SMC2: variants seen among roughly 807,000 people sequenced by gnomAD.
The protein encoded by SMC2 is structural maintenance of chromosomes protein 2.
SMC2 carries 41 observed loss-of-function variants against 142.6 expected under a neutral mutation model. The observed-to-expected ratio is 0.29, with a 90% CI of 0.22 to 0.37. The LOEUF (loss-of-function observed/expected upper bound fraction) is 0.37. SMC2 is among the 10% of genes least tolerant of loss of function. The pLI is 1.00. For missense variants in SMC2, 1,265 were observed against 1,373.7 expected (o/e 0.92, Z 1.25); for synonymous variants, 463 against 457.5 (o/e 1.01, Z -0.15).
intron 5 of SMC2, 32 bp downstream of exon 5, chr9:104,099,714 G>A (rs1276965122): frequency 7.7e-7 from 1 of 1,299,016 alleles, no homozygotes; most frequent in Non-Finnish European, 1.1e-6. Flanking sequence ...ATTAAAAATA[G>A]TTGGTATAGA....
intron 9 of SMC2, among the ~76,000 whole-genome samples, chr9:104,104,372 T>C (rs1831513924): frequency 1.3e-5 from 2 of 152,176 alleles, no homozygotes; most frequent in South Asian, 4.1e-4. Flanking sequence ...TGCAAGCTGA[T>C]CTCCCAAGGC....
intron 8 of SMC2, 98 bp from the exon 9 acceptor site, chr9:104,102,326 T>C: frequency 8.3e-7 from 1 of 1,209,724 alleles, no homozygotes; most frequent in Non-Finnish European, 1.2e-6. Flanking sequence ...GATAATGAAA[T>C]AACTTATAAA....
At chr9:104,126,371 T>TTGTTTTCCC (rs1834281092) in intron 18 of SMC2, among the ~76,000 whole-genome samples, 3 of 152,360 alleles carry the variant, frequency 2.0e-5, no homozygotes, top group African/African-American at 7.2e-5. Flanking sequence ...GAATGTTATA[T>TTGTTTTCCC]TATTTTCCCT....
chr9:104,126,953 G>C (rs1834366301), intron 19 of SMC2, among the ~76,000 whole-genome samples, 169 bp downstream of exon 19: 1 of 152,164 alleles, frequency 6.6e-6, no homozygotes, highest in Admixed American at 6.5e-5. Flanking sequence ...GGATCACATA[G>C]GTCAGTCAGC....
Position 104,125,017 on chromosome 9 carries a change from A to G in SMC2, c.2363A>G (p.Glu788Gly). The G allele has an allele frequency of 1.9e-6, 3 of 1,608,214 alleles. No homozygotes were observed. The highest frequency in any genetic ancestry group is 1.7e-6 in the Non-Finnish European group (2 of 1,178,718). Residue 788 changes from glutamate to glycine, a missense_variant, in exon 18 of 25, where the codon GAG (glutamate) becomes GGG (glycine). By Grantham distance (98) the Glu-to-Gly change is moderately conservative. This residue lies in a region of SMC2 where 898 missense variants were observed against 904.2 expected (regional missense o/e 0.99). Transcript: ENST00000374793. ...NKMKNAEAER[E>G]RELKDAQKKL... is the part of the protein sequence containing the mutation. ...ATGAAAAATGCAGAAGCTGAAAGAG[A>G]GCGAGAACTGAAAGATGCTCAGAAA...
At chr9:104,119,135 G>A (rs370278264) in intron 15 of SMC2, among the ~76,000 whole-genome samples, 4 of 152,178 alleles carry the variant, frequency 2.6e-5, no homozygotes, top group East Asian at 3.9e-4. Flanking sequence ...AACATTAGCC[G>A]GTTCAGTGAA....
At chr9:104,097,508 G>GAAAAAAAA (rs59646608) in intron 3 of SMC2, among the ~76,000 whole-genome samples, 1 of 121,874 alleles carries the variant, frequency 8.2e-6, no homozygotes, top group African/African-American at 3.0e-5. Context: ...GCCTCTGGTT[G>GAAAAAAAA]AAAAAAAAAA....
chr9:104,129,947 A>G, intron 21 of SMC2, 102 bp downstream of exon 21: 1 of 823,868 alleles, frequency 1.2e-6, no homozygotes, highest in Non-Finnish European at 1.9e-6. Context: ...CCTTTTGCAG[A>G]TGTCCTTGAT....
At chr9:104,136,519 A>T (rs934087139) in intron 23 of SMC2, among the ~76,000 whole-genome samples, 59 of 152,154 alleles carry the variant, frequency 3.9e-4, no homozygotes, top group African/African-American at 1.4e-3. Context: ...TTATTTCCAT[A>T]ATTAAGATGC....
At chr9:104,127,208 T>C in intron 19 of SMC2, 78 bp from the exon 20 acceptor site, 1 of 1,131,488 alleles carries the variant, frequency 8.8e-7, no homozygotes, top group South Asian at 1.9e-5. Context: ...CCCAGGGATC[T>C]GTCAGATAAT....
intron 17 of SMC2, among the ~76,000 whole-genome samples, chr9:104,124,074 C>T (rs1834012257): frequency 6.6e-6 from 1 of 152,096 alleles, no homozygotes; most frequent in South Asian, 2.1e-4. Flanking sequence ...TACAGCAACA[C>T]GTGTTCATTC....
Position 104,127,397 on chromosome 9 carries a change from A to G in SMC2, c.2707A>G (p.Asn903Asp). ...AGAAGTGGCAAAACACAAGGAGCAA[A>G]ACAATGATTCTCAGCTTAAAATTAA... is the stretch of plus-strand genomic sequence containing the variant. ...YAEVAKHKEQNNDSQLKIKEL... is the reference protein window; with the variant it reads ...YAEVAKHKEQDNDSQLKIKEL... The change falls in exon 20 of 25, where the codon AAC (asparagine) becomes GAC (aspartate). Residue 903 changes from asparagine to aspartate, a missense_variant. Coordinates refer to ENST00000374793, the MANE Select transcript of SMC2 (RefSeq NM_006444.3). The G allele has an allele frequency of 6.2e-7, 1 of 1,613,848 alleles. No individual in the cohort carries two copies. Among genetic ancestry groups the G allele is most frequent in the Non-Finnish European group, 8.5e-7 (1 of 1,179,790 alleles).
At position 104,102,184 on chromosome 9, in the gene SMC2, A is replaced by T. The variant is rs781668942; in HGVS notation, c.861A>T (p.Arg287Ser). The part of the protein sequence containing the change: ...LNHEIEELEK[R>S]KDKETGGILR... ...ATGAAATAGAAGAATTGGAAAAAAG[A>T]AAAGATAAGGTCTGAACATATGTAT... The change falls in exon 8 of 25, where the codon AGA becomes AGT. Residue 287 changes from arginine to serine, a missense_variant. By Grantham distance (110) the Arg-to-Ser change is moderately radical. Transcript: ENST00000374793. 2.0e-6 allele frequency: 3 copies of T among 1,529,646 alleles called. No individual in the cohort carries two copies. In the African/African-American group the frequency reaches 4.1e-5, roughly 21 times the overall value. 94.8% of individuals were successfully genotyped at this position (1,529,646 alleles called of 1,614,324 possible). A position where few individuals can be genotyped will look rare whatever the true frequency, so the allele number is the denominator to read the frequency against.
Position 104,127,426 on chromosome 9 carries a change from A to C in SMC2, c.2736A>C (p.Glu912Asp). 1 of 1,613,700 alleles carries C rather than the reference A, an allele frequency of 6.2e-7. No homozygotes were observed. Among genetic ancestry groups the C allele is most frequent in the Non-Finnish European group, 8.5e-7 (1 of 1,179,708 alleles). The part of the protein sequence containing the change: ...QNNDSQLKIK[E>D]LDHNISKHKR... ...ATGATTCTCAGCTTAAAATTAAGGA[A>C]TTAGACCACAACATCAGCAAACATA... Residue 912 changes from glutamate to aspartate, a missense_variant, in exon 20 of 25, where the codon GAA becomes GAC. By Grantham distance (45) the Glu-to-Asp change is conservative (BLOSUM62 2). Around this residue, in one of 4 missense-constraint regions of SMC2, gnomAD observed 898 missense variants for 904.2 expected, o/e 0.99. Coordinates refer to ENST00000374793, the MANE Select transcript of SMC2 (RefSeq NM_006444.3).
intron 3 of SMC2, among the ~76,000 whole-genome samples, 192 bp from the exon 4 acceptor site, chr9:104,098,254 G>A (rs1483477094): frequency 1.3e-5 from 2 of 152,186 alleles, no homozygotes; most frequent in Admixed American, 1.3e-4. Flanking sequence ...AAAAGTACTT[G>A]CATTAGATAC....
intron 14 of SMC2, among the ~76,000 whole-genome samples, chr9:104,117,426 A>ATGAT (rs1833245374): frequency 6.6e-6 from 1 of 152,200 alleles, no homozygotes; most frequent in Non-Finnish European, 1.5e-5. Flanking sequence ...TTTTTCTTAA[A>ATGAT]TGATGGGCAG....
chr9:104,091,535 C>G (rs1353137630), upstream of SMC2, among the ~76,000 whole-genome samples: 1 of 152,152 alleles, frequency 6.6e-6, no homozygotes, highest in Non-Finnish European at 1.5e-5. Context: ...GAGACTCCTT[C>G]TCTGAAAAAA....
At chr9:104,137,895 T>C (rs778345948) in intron 23 of SMC2, 123 bp from the exon 24 acceptor site, 11 of 538,020 alleles carry the variant, frequency 2.0e-5, no homozygotes, top group Non-Finnish European at 2.9e-5. Context: ...GATTCTTTTT[T>C]TTATATGACT....
chr9:104,090,484 G>GT (rs1829970408), upstream of SMC2, among the ~76,000 whole-genome samples: 1 of 151,908 alleles, frequency 6.6e-6, no homozygotes, highest in South Asian at 2.1e-4. Context: ...CGATAAAGAA[G>GT]TTTGTTCTTT....
Sources: gnomAD v4.1 joint callset for allele counts (sites outside exome capture counted in the v4.1 genomes callset) on GRCh38, gnomAD v4.1.1 for gene constraint, gnomAD v4.1.1 regional missense constraint, MANE v1.5 for transcripts, NCBI Gene and HGNC (gene_info 2026-07-23, HGNC 2026-07-21) for gene names.